The following TMEM217B variants were observed in gnomAD, a reference collection of about 807,000 sequenced individuals.
TMEM217B encodes putative transmembrane protein 217B.
chr6:37,227,319 AT>A, the TMEM217B span, among the ~76,000 whole-genome samples: 1 of 151,984 alleles, frequency 6.6e-6, no homozygotes, highest in Non-Finnish European at 1.5e-5. Context: ...CAGGGCCATT[AT>A]GTTCCTTTCT....
chr6:37,257,834 G>T, the TMEM217B span: 1 of 1,501,874 alleles, frequency 6.7e-7, no homozygotes, highest in Non-Finnish European at 9.1e-7. Flanking sequence ...AGCGGCCTGG[G>T]TTGGCCCTCA....
the TMEM217B span, among the ~76,000 whole-genome samples, chr6:37,250,947 C>G: frequency 7.9e-5 from 12 of 152,148 alleles, no homozygotes; most frequent in Non-Finnish European, 1.8e-4. Flanking sequence ...GATGGTATTA[C>G]GCGGTAAGGT....
At chr6:37,232,581 AC>A in the TMEM217B span, among the ~76,000 whole-genome samples, 99,484 of 151,746 alleles carry the variant, frequency 0.66, 32,753 homozygotes, top group East Asian at 0.85. Flanking sequence ...AAATCCTACT[AC>A]CCTTCTCTGG....
the TMEM217B span, among the ~76,000 whole-genome samples, chr6:37,225,011 A>T: frequency 1.4e-5 from 2 of 146,546 alleles, no homozygotes; most frequent in African/African-American, 5.0e-5. Context: ...CATCTCTATA[A>T]AAAAAAAAAA....
At chr6:37,257,149 GT>G in the TMEM217B span, among the ~76,000 whole-genome samples, 1 of 152,204 alleles carries the variant, frequency 6.6e-6, no homozygotes, top group Non-Finnish European at 1.5e-5. Context: ...TGTTAGCATA[GT>G]CAGAAAGTGA....
chr6:37,244,871 A>G, the TMEM217B span, among the ~76,000 whole-genome samples: 1 of 152,188 alleles, frequency 6.6e-6, no homozygotes, highest in East Asian at 1.9e-4. Flanking sequence ...GGCTCAGCTA[A>G]TTCATACGTC....
chr6:37,223,952 T>C, the TMEM217B span, among the ~76,000 whole-genome samples: 1 of 146,382 alleles, frequency 6.8e-6, no homozygotes, highest in East Asian at 2.0e-4. Flanking sequence ...TTTTTTTTTT[T>C]CTGGAGACAG....
chr6:37,215,328 GAGAAA>G, the TMEM217B span: 6 of 1,598,566 alleles, frequency 3.8e-6, no homozygotes, highest in East Asian at 1.4e-4. Context: ...TTTTAATTAA[GAGAAA>G]AGAAAACTTG....
At chr6:37,217,319 G>C in the TMEM217B span, among the ~76,000 whole-genome samples, 1 of 152,160 alleles carries the variant, frequency 6.6e-6, no homozygotes, top group African/African-American at 2.4e-5. Context: ...GCTTCATACA[G>C]TCTCTGGACC....
the TMEM217B span, among the ~76,000 whole-genome samples, chr6:37,240,355 C>G: frequency 4.3e-4 from 66 of 152,328 alleles, no homozygotes; most frequent in Middle Eastern, 6.8e-3. Context: ...CAAGCTCGCT[C>G]TCTCTGACTG....
the TMEM217B span, among the ~76,000 whole-genome samples, chr6:37,243,342 G>A: frequency 6.6e-6 from 1 of 152,162 alleles, no homozygotes; most frequent in Non-Finnish European, 1.5e-5. Context: ...ACCAAGTCCT[G>A]AGAATGGATT....
chr6:37,232,601 C>G, the TMEM217B span, among the ~76,000 whole-genome samples: 3 of 152,146 alleles, frequency 2.0e-5, no homozygotes, highest in Non-Finnish European at 4.4e-5. Flanking sequence ...GGTTAACTTC[C>G]TCTCCCGTTC....
At chr6:37,214,572 T>A in the TMEM217B span, among the ~76,000 whole-genome samples, 2,900 of 152,134 alleles carry the variant, frequency 0.019, 63 homozygotes, top group Middle Eastern at 0.068. Context: ...TCTGTACCCA[T>A]TATAAACATC....
chr6:37,221,333 T>TGCA, the TMEM217B span, among the ~76,000 whole-genome samples: 4 of 151,876 alleles, frequency 2.6e-5, no homozygotes, highest in Non-Finnish European at 5.9e-5. Context: ...ACTACAGGAG[T>TGCA]GCACCACCAC....
At chr6:37,241,690 G>A in the TMEM217B span, among the ~76,000 whole-genome samples, 1,767 of 152,160 alleles carry the variant, frequency 0.012, 32 homozygotes, top group African/African-American at 0.04. Flanking sequence ...TTTCTAGTCT[G>A]GCAATATCCA....
chr6:37,217,515 C>A, the TMEM217B span: 3 of 512,606 alleles, frequency 5.9e-6, no homozygotes, highest in Non-Finnish European at 7.5e-6. Context: ...AGTGTTCACA[C>A]TACAGAGTAC....
At chr6:37,231,668 T>A in the TMEM217B span, among the ~76,000 whole-genome samples, 1 of 130,736 alleles carries the variant, frequency 7.6e-6, no homozygotes, top group African/African-American at 2.9e-5. Flanking sequence ...TGAGACTCCA[T>A]CTCAAAAAAA....
chr6:37,218,589 TG>T, the TMEM217B span: 10 of 1,614,188 alleles, frequency 6.2e-6, no homozygotes, highest in Non-Finnish European at 8.5e-6. Flanking sequence ...TGGGCATAGT[TG>T]ATGACAAAGA....
At chr6:37,212,472 A>C in the TMEM217B span, 1 of 453,918 alleles carries the variant, frequency 2.2e-6, no homozygotes, top group Admixed American at 2.4e-5. Context: ...AGTTCACTGC[A>C]ATGGTGGAGC....
Sources: gnomAD v4.1 joint callset for allele counts (sites outside exome capture counted in the v4.1 genomes callset) on GRCh38, gnomAD v4.1.1 for gene constraint, MANE v1.5 for transcripts, NCBI Gene and HGNC (gene_info 2026-07-23, HGNC 2026-07-21) for gene names.